CNTNAP5: variants seen among roughly 807,000 people sequenced by gnomAD.
The protein encoded by CNTNAP5 is contactin associated protein family member 5.
Under a neutral mutation model 150.2 loss-of-function variants are expected in CNTNAP5, and 72 were observed. The ratio of observed to expected loss-of-function variants is 0.48; its 90% CI spans 0.40 to 0.58. The LOEUF is 0.58. Ranked by LOEUF, CNTNAP5 falls within the 20% of genes least tolerant of loss-of-function variation. The probability of loss-of-function intolerance (pLI) is 0.00; values close to 1 mark genes in which losing one functional copy is unlikely to be tolerated. For synonymous variants in CNTNAP5, 672 were observed against 619.8 expected (o/e 1.08, Z -1.25); for missense variants, 1,636 against 1,626.2 (o/e 1.01, Z -0.10).
At chr2:124,315,478 G>A (rs1445204242) in intron 3 of CNTNAP5, among the ~76,000 whole-genome samples, 2 of 152,100 alleles carry the variant, frequency 1.3e-5, no homozygotes, top group Admixed American at 6.5e-5. Flanking sequence ...AGCAGAACAA[G>A]GCTTCTGCTC....
intron 10 of CNTNAP5, among the ~76,000 whole-genome samples, chr2:124,543,853 T>G (rs1169102725): frequency 6.6e-6 from 1 of 152,148 alleles, no homozygotes; most frequent in Non-Finnish European, 1.5e-5. Context: ...TATATATTTT[T>G]TCTCCTTTGA....
chr2:124,620,926 A>G (rs1214831423), intron 12 of CNTNAP5, among the ~76,000 whole-genome samples: 1 of 152,202 alleles, frequency 6.6e-6, no homozygotes, highest in African/African-American at 2.4e-5. Flanking sequence ...CATGAAAGAT[A>G]GCTATCACCT....
At chr2:124,752,205 T>G (rs1680742115) in intron 14 of CNTNAP5, among the ~76,000 whole-genome samples, 1 of 152,088 alleles carries the variant, frequency 6.6e-6, no homozygotes. Context: ...CCTCTGGTGA[T>G]TGATAATTTT....
intron 22 of CNTNAP5, among the ~76,000 whole-genome samples, chr2:124,908,847 T>TA (rs1369339248): frequency 6.6e-6 from 1 of 151,896 alleles, no homozygotes; most frequent in Non-Finnish European, 1.5e-5. Flanking sequence ...GTTTAAAAAG[T>TA]AAAAAATAAC....
At chr2:124,905,419 T>C (rs1678515931) in intron 22 of CNTNAP5, among the ~76,000 whole-genome samples, 1 of 152,108 alleles carries the variant, frequency 6.6e-6, no homozygotes, top group African/African-American at 2.4e-5. Flanking sequence ...TCTGAATATG[T>C]AACGAAAATA....
chr2:124,079,157 G>T (rs1474729152), intron 1 of CNTNAP5, among the ~76,000 whole-genome samples: 2 of 152,138 alleles, frequency 1.3e-5, no homozygotes, highest in African/African-American at 4.8e-5. Flanking sequence ...ATGATTTGGG[G>T]CAGCAAAAAC....
intron 3 of CNTNAP5, among the ~76,000 whole-genome samples, chr2:124,344,536 G>A (rs748549051): frequency 8.5e-5 from 13 of 152,062 alleles, no homozygotes; most frequent in Middle Eastern, 3.2e-3. Context: ...GTGGGAGGCC[G>A]AGGCAGGAGG....
At chr2:124,860,230 G>T (rs1473247727) in intron 19 of CNTNAP5, among the ~76,000 whole-genome samples, 3 of 151,700 alleles carry the variant, frequency 2.0e-5, no homozygotes, top group Non-Finnish European at 4.4e-5. Context: ...GGCGCCTGTA[G>T]TCCCAGCTAC....
rs147541405 is a variant in CNTNAP5, at chr2:124,788,376, T to C, written c.2753-1526T>C. ...TCAAGATATATCCTCAGCAGAAAGT[T>C]ACAAGCCTATTGTGTATTCCACAAA... On this transcript the variant is annotated intron_variant, in intron 17 of 23. Transcript: ENST00000682447. Among the ~76,000 whole-genome samples, 6 of 152,318 alleles carry C rather than the reference T, an allele frequency of 3.9e-5. No homozygotes were observed. The East Asian group carries it at 9.6e-4, about 24-fold the overall frequency.
intron 1 of CNTNAP5, among the ~76,000 whole-genome samples, chr2:124,152,311 C>T (rs1242863193): frequency 6.6e-6 from 1 of 152,160 alleles, no homozygotes; most frequent in African/African-American, 2.4e-5. Context: ...AGGCACCATT[C>T]TAAGTGCATT....
intron 19 of CNTNAP5, among the ~76,000 whole-genome samples, chr2:124,809,849 A>G (rs1289216773): frequency 1.3e-5 from 2 of 152,200 alleles, no homozygotes; most frequent in African/African-American, 4.8e-5. Flanking sequence ...TTTATAGAAT[A>G]AAACTGATGT....
intron 3 of CNTNAP5, among the ~76,000 whole-genome samples, chr2:124,407,305 A>G (rs559922764): frequency 6.6e-6 from 1 of 152,318 alleles, no homozygotes; most frequent in South Asian, 2.1e-4. Flanking sequence ...GCAGCTTTAT[A>G]GCTAATAAAT....
chr2:124,556,608 T>C (rs530022958), intron 10 of CNTNAP5, among the ~76,000 whole-genome samples: 1 of 152,236 alleles, frequency 6.6e-6, no homozygotes, highest in Admixed American at 6.5e-5. Flanking sequence ...AAAATTGTAG[T>C]TATTCTGGTG....
chr2:124,588,163 TCC>T (rs1287938801), intron 11 of CNTNAP5, among the ~76,000 whole-genome samples: 34 of 85,228 alleles, frequency 4.0e-4, no homozygotes, highest in African/African-American at 1.3e-3. Context: ...TCCTTTTCCT[TCC>T]TTCCTTCCTT....
intron 11 of CNTNAP5, among the ~76,000 whole-genome samples, chr2:124,575,064 T>A (rs989757500): frequency 6.6e-6 from 1 of 151,650 alleles, no homozygotes; most frequent in Non-Finnish European, 1.5e-5. Context: ...TGTATTTACA[T>A]CATTTTTTTC....
intron 1 of CNTNAP5, among the ~76,000 whole-genome samples, chr2:124,028,705 G>A (rs1261914286): frequency 1.3e-5 from 2 of 152,064 alleles, no homozygotes; most frequent in South Asian, 4.1e-4. Flanking sequence ...GATATGACTT[G>A]ATAGTTGGTT....
At chr2:124,845,866 A>G (rs1170274945) in intron 19 of CNTNAP5, among the ~76,000 whole-genome samples, 1 of 150,742 alleles carries the variant, frequency 6.6e-6, no homozygotes, top group Non-Finnish European at 1.5e-5. Flanking sequence ...GCTTATTTGG[A>G]TCTTCTCTCT....
At chr2:124,424,969 T>C (rs1352577416) in intron 4 of CNTNAP5, among the ~76,000 whole-genome samples, 1 of 152,224 alleles carries the variant, frequency 6.6e-6, no homozygotes, top group East Asian at 1.9e-4. Context: ...ATATTGCTAT[T>C]ATTCCTGTGA....
chr2:124,619,391 C>T (rs552838699), intron 12 of CNTNAP5, among the ~76,000 whole-genome samples: 1 of 152,232 alleles, frequency 6.6e-6, no homozygotes, highest in African/African-American at 2.4e-5. Context: ...TAATTGAAAT[C>T]CGTGAACACC....
Sources: allele counts gnomAD v4.1 joint callset (sites outside exome capture counted in the v4.1 genomes callset), GRCh38; gene constraint gnomAD v4.1.1; transcripts MANE v1.5; gene names NCBI Gene and HGNC (gene_info 2026-07-23, HGNC 2026-07-21).